CFAP300: variants seen among roughly 807,000 people sequenced by gnomAD.
CFAP300 encodes the protein cilia- and flagella-associated protein 300.
A neutral mutation model predicts 33.0 loss-of-function variants in CFAP300; 32 were observed. The ratio of observed to expected loss-of-function variants is 0.97; its 90% confidence interval spans 0.73 to 1.30. The LOEUF (loss-of-function observed/expected upper bound fraction) is 1.30. Among genes scored for constraint, CFAP300 ranks in the 50% most tolerant of loss-of-function variants. The pLI, the probability that CFAP300 is intolerant of heterozygous loss-of-function variation, is 0.00. For missense variants in CFAP300, 356 were observed against 318.1 expected (o/e 1.12, Z -0.90); for synonymous variants, 102 against 106.8 (o/e 0.95, Z 0.28).
rs754703463 is a variant in CFAP300, at chr11:102,078,397, T to C, written c.608+2352T>C. Among the ~76,000 whole-genome samples the C allele has an allele frequency of 2.1e-4, 32 of 152,336 alleles. 1 individual carries two copies. In the Middle Eastern group the frequency reaches 0.01, roughly 49 times the overall value. On this transcript the variant is annotated intron_variant, in intron 5 of 6. Transcript: ENST00000434758. ...GTTTCTTTATCCTTAAAAACCATGG[T>C]TATCAGAGGATGGAGTTAGTGATGG...
intron 5 of CFAP300, among the ~76,000 whole-genome samples, chr11:102,079,589 A>T (rs1218311581): frequency 6.6e-6 from 1 of 152,152 alleles, no homozygotes; most frequent in Admixed American, 6.5e-5. Flanking sequence ...ACACCGCTCA[A>T]ACTGAGTCTT....
At chr11:102,066,019 G>A (rs1050345101) in intron 3 of CFAP300, among the ~76,000 whole-genome samples, 3 of 146,392 alleles carry the variant, frequency 2.0e-5, no homozygotes, top group Non-Finnish European at 4.5e-5. Flanking sequence ...GTGCAGTGTC[G>A]CAATCTTGGC....
At chr11:102,056,278 A>G (rs1204258617) in intron 2 of CFAP300, among the ~76,000 whole-genome samples, 1 of 152,242 alleles carries the variant, frequency 6.6e-6, no homozygotes, top group Non-Finnish European at 1.5e-5. Context: ...TATTAAAACA[A>G]AAAACTCCTT....
chr11:102,075,938 G>A lies in CFAP300; in HGVS notation c.501G>A (p.Leu167=), dbSNP rs779190170. Reference sequence around the variant, plus strand: ...GCCAACCAGATAGAGAAGAGTTCCTGTTTTGTCTTTTCAAACATCTTTGCC... The same window carrying A: ...GCCAACCAGATAGAGAAGAGTTCCTATTTTGTCTTTTCAAACATCTTTGCC... ...IFSQPDREEF[L]FCLFKHLCLG... The change falls in exon 5 of 7, where the codon CTG becomes CTA. Residue 167 remains leucine, a synonymous_variant. Coordinates refer to ENST00000434758, the MANE Select transcript of CFAP300 (RefSeq NM_032930.3). The A allele has an allele frequency of 5.8e-5, 93 of 1,613,854 alleles. No individual in the cohort carries two copies. The highest frequency in any genetic ancestry group is 7.7e-5 in the Non-Finnish European group (91 of 1,179,882).
At chr11:102,050,726 C>T (rs140249964) in intron 2 of CFAP300, among the ~76,000 whole-genome samples, 21 of 152,104 alleles carry the variant, frequency 1.4e-4, no homozygotes, top group Admixed American at 9.8e-4. Context: ...ACTCTTAAGG[C>T]GGGGCCTGAA....
intron 5 of CFAP300, among the ~76,000 whole-genome samples, chr11:102,079,659 T>C (rs1022092824): frequency 6.6e-6 from 1 of 152,168 alleles, no homozygotes; most frequent in Non-Finnish European, 1.5e-5. Context: ...ACATATGTAG[T>C]AGATGGAGAA....
chr11:102,081,587 G>T (rs58795913), intron 6 of CFAP300, among the ~76,000 whole-genome samples: 14,776 of 152,076 alleles, frequency 0.097, 999 homozygotes, highest in African/African-American at 0.18. Context: ...CATTTATAGG[G>T]CAGATAAATA....
intron 3 of CFAP300, among the ~76,000 whole-genome samples, chr11:102,062,983 T>C (rs1942171303): frequency 6.6e-6 from 1 of 152,232 alleles, no homozygotes; most frequent in Non-Finnish European, 1.5e-5. Context: ...TGCGCTATTC[T>C]TCAAGAAAAG....
chr11:102,083,680 A>G lies in CFAP300; in HGVS notation c.*481A>G, dbSNP rs1942508539. The G allele has an allele frequency of 6.6e-6, 1 of 152,340 alleles. No individual in the cohort carries two copies. The allele number at this position is 152,340 out of a possible 1,614,324, so 9.4% of individuals were successfully genotyped here. A position where few individuals can be genotyped will look rare whatever the true frequency, so the allele number is the denominator to read the frequency against. ...CTGTAAAGCTAGGCAAAGCATAACA[A>G]TTCTTTTGCTTCATTTGTTCCACTT... On this transcript the variant is annotated 3_prime_UTR_variant, in exon 7 of 7. Coordinates refer to ENST00000434758, the MANE Select transcript of CFAP300 (RefSeq NM_032930.3).
intron 3 of CFAP300, among the ~76,000 whole-genome samples, chr11:102,062,737 GAGA>G (rs1488475218): frequency 6.6e-6 from 1 of 152,180 alleles, no homozygotes. Flanking sequence ...TGTAAAAAAT[GAGA>G]AGGTTTGTTC....
chr11:102,065,715 C>T (rs1417621261), intron 3 of CFAP300, among the ~76,000 whole-genome samples: 1 of 150,996 alleles, frequency 6.6e-6, no homozygotes, highest in African/African-American at 2.4e-5. Context: ...TGTGGTGAGC[C>T]GAGATCACGC....
Position 102,083,453 on chromosome 11 carries a change from T to C in CFAP300, c.*254T>C, listed in dbSNP as rs1942504781. On this transcript the variant is annotated 3_prime_UTR_variant, in exon 7 of 7. Coordinates refer to ENST00000434758, the MANE Select transcript of CFAP300 (RefSeq NM_032930.3). Reference sequence around the variant, plus strand: ...ATTTTTACAGAAAGTTACAAGGAATTAGAAATCTAGTTCATATTTGTTGCA... The same window carrying C: ...ATTTTTACAGAAAGTTACAAGGAATCAGAAATCTAGTTCATATTTGTTGCA... 2 of 222,140 alleles carry C rather than the reference T, an allele frequency of 9.0e-6. No individual in the cohort carries two copies. The highest frequency in any genetic ancestry group is 1.7e-5 in the Non-Finnish European group (2 of 115,154). 13.8% of individuals were successfully genotyped at this position (222,140 alleles called of 1,614,324 possible).
In CFAP300 at chr11:102,075,961, G is replaced by T. The variant is rs777318658; in HGVS notation, c.524G>T (p.Cys175Phe). 34 of 1,613,740 alleles carry T rather than the reference G, an allele frequency of 2.1e-5. No homozygotes were observed. The highest frequency in any genetic ancestry group is 2.7e-5 in the Non-Finnish European group (32 of 1,179,916). ...EFLFCLFKHL[C>F]LGGALCQYED... ...CTGTTTTGTCTTTTCAAACATCTTT[G>T]CCTTGGTGGAGCCCTTTGTCAATAT... The change falls in exon 5 of 7, where the codon TGC becomes TTC. Residue 175 changes from cysteine to phenylalanine, a missense_variant. Coordinates refer to ENST00000434758, the MANE Select transcript of CFAP300 (RefSeq NM_032930.3).
At chr11:102,070,408 C>G (rs145010231) in intron 4 of CFAP300, among the ~76,000 whole-genome samples, 1 of 152,320 alleles carries the variant, frequency 6.6e-6, no homozygotes, top group African/African-American at 2.4e-5. Flanking sequence ...ATTAAGTGCA[C>G]TTGCTACTAG....
intron 3 of CFAP300, among the ~76,000 whole-genome samples, chr11:102,065,656 A>G (rs554515822): frequency 6.6e-6 from 1 of 151,762 alleles, no homozygotes; most frequent in African/African-American, 2.4e-5. Context: ...AATCCCAGAT[A>G]CTCGGGAGGC....
chr11:102,064,410 T>C (rs1253925150), intron 3 of CFAP300, among the ~76,000 whole-genome samples: 1 of 152,236 alleles, frequency 6.6e-6, no homozygotes, highest in African/African-American at 2.4e-5. Flanking sequence ...CTTTTTTCTT[T>C]ATCTAATCCC....
At chr11:102,083,012 T>G (rs889047207) in intron 6 of CFAP300, 59 bp from the exon 7 acceptor site, 29 of 930,094 alleles carry the variant, frequency 3.1e-5, no homozygotes, top group Admixed American at 4.5e-5. Context: ...ATAATAATAA[T>G]AAATATATAA....
rs1033571611 is a variant in CFAP300, at chr11:102,068,799, T to TAAACA, written c.435+2162_435+2166dup. 2.0e-5 allele frequency among the ~76,000 whole-genome samples: 3 copies of TAAACA among 152,228 alleles called. No individual in the cohort carries two copies. The East Asian group carries it at 5.8e-4, about 29-fold the overall frequency. ...AAGATTTCGTCTCAAAAGAAGAAATTAAACAAAACAAAACAAAAAATACTA... is the reference window on the plus strand; with the variant it reads ...AAGATTTCGTCTCAAAAGAAGAAATTAAACAAAACAAAACAAAACAAAAAATACTA... On this transcript the variant is annotated intron_variant, in intron 4 of 6. Coordinates refer to ENST00000434758, the MANE Select transcript of CFAP300 (RefSeq NM_032930.3).
At chr11:102,082,695 G>A (rs1224431392) in intron 6 of CFAP300, among the ~76,000 whole-genome samples, 1 of 152,092 alleles carries the variant, frequency 6.6e-6, no homozygotes, top group Non-Finnish European at 1.5e-5. Context: ...AAATGTAGTT[G>A]TATACTAACT....
Sources: allele counts gnomAD v4.1 joint callset (sites outside exome capture counted in the v4.1 genomes callset), GRCh38; gene constraint gnomAD v4.1.1; transcripts MANE v1.5; gene names NCBI Gene and HGNC (gene_info 2026-07-23, HGNC 2026-07-21).